Variants in CSMD3 observed in about 807,000 individuals in gnomAD.
CSMD3 encodes CUB and sushi domain-containing protein 3.
In CSMD3, 177 loss-of-function variants were observed where a neutral mutation model predicts 435.2. The observed-to-expected ratio is 0.41, with a 90% CI of 0.36 to 0.46. CSMD3 has a LOEUF of 0.46. Among genes scored for constraint, CSMD3 ranks in the 20% least tolerant of loss-of-function variants. The probability of loss-of-function intolerance (pLI) is 0.34; values close to 1 mark genes in which losing one functional copy is unlikely to be tolerated. For missense variants in CSMD3, 4,265 were observed against 4,504.6 expected, an observed-to-expected ratio of 0.95 and a Z score of 1.52; for synonymous variants, 1,656 against 1,520.5, an observed-to-expected ratio of 1.09 and a Z score of -2.07.
intron 1 of CSMD3, among the ~76,000 whole-genome samples, chr8:113,342,054 A>G (rs1337886233): frequency 6.6e-6 from 1 of 152,080 alleles, no homozygotes; most frequent in East Asian, 1.9e-4. Context: ...TAGCCAAAAT[A>G]TTACCAGTTG....
chr8:112,827,164 A>C (rs5894105), intron 12 of CSMD3, among the ~76,000 whole-genome samples: 1 of 82,852 alleles, frequency 1.2e-5, no homozygotes, highest in Admixed American at 1.8e-4. Flanking sequence ...GGTTACCATA[A>C]ATATATATAT....
chr8:113,208,403 C>A (rs1409989740), intron 3 of CSMD3, among the ~76,000 whole-genome samples: 2 of 152,030 alleles, frequency 1.3e-5, no homozygotes, highest in African/African-American at 4.8e-5. Flanking sequence ...ACAAAAAGCA[C>A]CTACTCTGTA....
chr8:112,432,766 G>A (rs2130413370), intron 32 of CSMD3, among the ~76,000 whole-genome samples: 1 of 152,134 alleles, frequency 6.6e-6, no homozygotes, highest in South Asian at 2.1e-4. Flanking sequence ...TTTTTAATGT[G>A]GGTCTCAGTT....
intron 3 of CSMD3, among the ~76,000 whole-genome samples, chr8:113,211,653 C>T (rs1272536741): frequency 5.9e-5 from 9 of 152,112 alleles, no homozygotes; most frequent in Admixed American, 2.6e-4. Context: ...CGCACCACTG[C>T]ACTCCAGCCT....
intron 10 of CSMD3, among the ~76,000 whole-genome samples, chr8:112,901,011 C>G (rs2082096908): frequency 6.6e-6 from 1 of 151,166 alleles, no homozygotes; most frequent in South Asian, 2.1e-4. Flanking sequence ...TAGTAATAAC[C>G]AGTATTAACA....
Position 112,352,640 on chromosome 8 carries a change from A to T in CSMD3, c.6137-106T>A, listed in dbSNP as rs1826235888. On this transcript the variant is annotated intron_variant, in intron 38 of 70. Coordinates refer to ENST00000297405, the MANE Select transcript of CSMD3 (RefSeq NM_198123.2). ...GAATATCAGTGTCTCATCAAACTAG[A>T]TACTATATTGAGACGTTGAGAACGT... 4.8e-5 allele frequency: 47 copies of T among 977,306 alleles called. 1 individual carries two copies. In the South Asian group the frequency reaches 5.9e-4, roughly 12 times the overall value. 60.5% of individuals were successfully genotyped at this position (977,306 alleles called of 1,614,324 possible).
intron 13 of CSMD3, among the ~76,000 whole-genome samples, chr8:112,775,777 C>T (rs980481387): frequency 6.6e-6 from 1 of 151,728 alleles, no homozygotes; most frequent in African/African-American, 2.4e-5. Context: ...TCCTAAGCAC[C>T]CATTGTGTGT....
At chr8:113,319,255 C>G (rs553672282) in intron 1 of CSMD3, among the ~76,000 whole-genome samples, 12 of 151,922 alleles carry the variant, frequency 7.9e-5, no homozygotes, top group African/African-American at 2.7e-4. Context: ...ATCATACTTA[C>G]GGGAGTAAGG....
At chr8:112,766,405 T>G (rs1481497572) in intron 13 of CSMD3, among the ~76,000 whole-genome samples, 1 of 151,728 alleles carries the variant, frequency 6.6e-6, no homozygotes, top group Admixed American at 6.6e-5. Flanking sequence ...CTCTCATAAT[T>G]TGCTGTGTCT....
At chr8:113,085,673 C>T (rs1184022316) in intron 5 of CSMD3, among the ~76,000 whole-genome samples, 2 of 151,852 alleles carry the variant, frequency 1.3e-5, no homozygotes, top group Non-Finnish European at 1.5e-5. Flanking sequence ...GAAATGTCAC[C>T]CATGGAAAGT....
At chr8:113,369,146 T>C (rs1292155471) in intron 1 of CSMD3, among the ~76,000 whole-genome samples, 1 of 152,028 alleles carries the variant, frequency 6.6e-6, no homozygotes, top group Non-Finnish European at 1.5e-5. Flanking sequence ...TTTCTCACCA[T>C]ATTTTTCAGA....
intron 6 of CSMD3, among the ~76,000 whole-genome samples, chr8:112,982,836 A>T (rs1263631791): frequency 6.6e-6 from 1 of 152,010 alleles, no homozygotes; most frequent in East Asian, 1.9e-4. Flanking sequence ...TTAATACTTA[A>T]TGATGGCAAA....
chr8:113,112,450 T>C (rs1564328969), intron 4 of CSMD3, among the ~76,000 whole-genome samples: 7 of 19,656 alleles, frequency 3.6e-4, no homozygotes, highest in African/African-American at 1.9e-3. Flanking sequence ...TATATATATG[T>C]ATATACACAC....
intron 4 of CSMD3, among the ~76,000 whole-genome samples, chr8:113,101,919 T>A (rs538057830): frequency 1.5e-4 from 23 of 151,900 alleles, no homozygotes; most frequent in Admixed American, 5.9e-4. Flanking sequence ...GGCAATATTT[T>A]AAAAAAAACA....
At chr8:113,324,829 A>C (rs2132726119) in intron 1 of CSMD3, among the ~76,000 whole-genome samples, 2 of 152,300 alleles carry the variant, frequency 1.3e-5, no homozygotes, top group Middle Eastern at 3.4e-3. Context: ...GGTAGGTTGT[A>C]CCCTGCAAAG....
At chr8:112,998,935 T>G (rs1564193350) in intron 6 of CSMD3, among the ~76,000 whole-genome samples, 1 of 152,020 alleles carries the variant, frequency 6.6e-6, no homozygotes, top group Non-Finnish European at 1.5e-5. Context: ...CCAGCCACAC[T>G]TTCTGTACAG....
chr8:112,260,579 T>C (rs1461135380), intron 61 of CSMD3, among the ~76,000 whole-genome samples: 1 of 152,166 alleles, frequency 6.6e-6, no homozygotes, highest in African/African-American at 2.4e-5. Context: ...ATTGTAATTT[T>C]TTTTTCAGTT....
Position 112,697,577 on chromosome 8 carries a change from G to A in CSMD3, c.1973-7527C>T, listed in dbSNP as rs775384625. On this transcript the variant is annotated intron_variant, in intron 13 of 70. Coordinates refer to ENST00000297405, the MANE Select transcript of CSMD3 (RefSeq NM_198123.2). ...CACAGGAAGGGGAACATCACACACC[G>A]GGGCCTGTTGTGGGGTGGGGGCAGG... Among the ~76,000 whole-genome samples the A allele has an allele frequency of 4.7e-4, 71 of 151,786 alleles. 1 individual carries two copies. Among genetic ancestry groups the A allele is most frequent in the South Asian group, 2.9e-3 (14 of 4,788 alleles).
chr8:112,828,876 T>A (rs1238223117), intron 12 of CSMD3, among the ~76,000 whole-genome samples: 1 of 152,084 alleles, frequency 6.6e-6, no homozygotes, highest in East Asian at 1.9e-4. Flanking sequence ...TGTTTTGTTT[T>A]CTAGAAAAGT....
Sources: allele counts gnomAD v4.1 joint callset (sites outside exome capture counted in the v4.1 genomes callset), GRCh38; gene constraint gnomAD v4.1.1; transcripts MANE v1.5; gene names NCBI Gene and HGNC (gene_info 2026-07-23, HGNC 2026-07-21).